The following SDCCAG8 variants were observed in gnomAD, a reference collection of about 807,000 sequenced individuals.
SDCCAG8 encodes the protein serologically defined colon cancer antigen 8.
Under a neutral mutation model 101.8 loss-of-function variants are expected in SDCCAG8, and 74 were observed. The observed-to-expected ratio is 0.73, with a 90% CI of 0.60 to 0.88. SDCCAG8 has a LOEUF of 0.88. Among genes scored for constraint, SDCCAG8 ranks in the 40% least tolerant of loss-of-function variants. The probability of loss-of-function intolerance (pLI) is 0.00; values close to 1 mark genes in which losing one functional copy is unlikely to be tolerated. For synonymous variants in SDCCAG8, 281 were observed against 292.9 expected (o/e 0.96, Z 0.41); for missense variants, 787 against 822.6 (o/e 0.96, Z 0.53).
rs1659799208 is a variant in SDCCAG8 at position 243,464,742 on chromosome 1, G to A, written c.1986-24272G>A. ...GGACAATAAACAAGAAGTCGATGGA[G>A]GGAAAAGGCAGGCAGGCAGGCAAGC... On this transcript the variant is annotated intron_variant, in intron 16 of 17. Coordinates refer to ENST00000366541, the MANE Select transcript of SDCCAG8 (RefSeq NM_006642.5). Among the ~76,000 whole-genome samples the A allele has an allele frequency of 3.9e-5, 6 of 152,352 alleles. No individual in the cohort carries two copies. The South Asian group carries it at 1.0e-3, about 26-fold the overall frequency.
intron 5 of SDCCAG8, among the ~76,000 whole-genome samples, chr1:243,288,635 G>C (rs972848196): frequency 2.0e-5 from 3 of 152,056 alleles, no homozygotes; most frequent in Non-Finnish European, 4.4e-5. Context: ...TAAAATGTTG[G>C]TGCTAAATCT....
intron 10 of SDCCAG8, among the ~76,000 whole-genome samples, chr1:243,335,846 A>AGT (rs2074968690): frequency 6.6e-6 from 1 of 151,884 alleles, no homozygotes. Flanking sequence ...TATATCCGTG[A>AGT]GTACCTAATA....
At chr1:243,430,593 C>T (rs1411060514) in intron 16 of SDCCAG8, among the ~76,000 whole-genome samples, 4 of 151,986 alleles carry the variant, frequency 2.6e-5, no homozygotes, top group Non-Finnish European at 5.9e-5. Flanking sequence ...CGCCCACCAC[C>T]ACGCCCGGCT....
intron 13 of SDCCAG8, among the ~76,000 whole-genome samples, chr1:243,390,657 A>G (rs2078646202): frequency 6.6e-6 from 1 of 152,228 alleles, no homozygotes; most frequent in Admixed American, 6.5e-5. Flanking sequence ...CCCCTGCCAC[A>G]TAGGCCCACA....
At chr1:243,351,886 T>A (rs1299202812) in intron 12 of SDCCAG8, among the ~76,000 whole-genome samples, 1 of 152,234 alleles carries the variant, frequency 6.6e-6, no homozygotes, top group South Asian at 2.1e-4. Context: ...AAAAATATAA[T>A]TCAATTTTTC....
chr1:243,426,091 C>T (rs1019610134), intron 15 of SDCCAG8, among the ~76,000 whole-genome samples: 3 of 152,130 alleles, frequency 2.0e-5, no homozygotes, highest in Non-Finnish European at 4.4e-5. Flanking sequence ...TCTTCTTTGA[C>T]AGCATAGTGT....
chr1:243,454,601 G>A (rs1171786433), intron 16 of SDCCAG8, among the ~76,000 whole-genome samples: 3 of 152,180 alleles, frequency 2.0e-5, no homozygotes, highest in African/African-American at 7.2e-5. Flanking sequence ...ATCTGCTCCA[G>A]CTAAGCATAT....
intron 15 of SDCCAG8, among the ~76,000 whole-genome samples, chr1:243,425,538 G>A (rs2081283025): frequency 6.6e-6 from 1 of 152,052 alleles, no homozygotes; most frequent in African/African-American, 2.4e-5. Context: ...TTTTATGTCA[G>A]GAGTCTTCAG....
rs762390688 is a variant in SDCCAG8 at position 243,393,902 on chromosome 1, C to CT, written c.1616+15045dup. On this transcript the variant is annotated intron_variant, in intron 13 of 17. Transcript: ENST00000366541. The stretch of plus-strand genomic sequence containing the variant: ...GTTTGATTCAGAGTCACTTGCCCTT[C>CT]TTTTTTCCCCCATGTAACTGTGGGT... Among the ~76,000 whole-genome samples, 325 of 152,206 alleles carry CT rather than the reference C, an allele frequency of 2.1e-3. 5 individuals carry two copies. The highest frequency in any genetic ancestry group is 0.01 in the Middle Eastern group (3 of 292).
At chr1:243,476,215 C>T (rs1443474445) in intron 16 of SDCCAG8, 6 of 985,460 alleles carry the variant, frequency 6.1e-6, no homozygotes, top group Non-Finnish European at 6.0e-6. Context: ...AGATGGGGTT[C>T]TTTGACAAGG....
intron 9 of SDCCAG8, among the ~76,000 whole-genome samples, chr1:243,327,520 T>G (rs951201869): frequency 1.3e-5 from 2 of 150,540 alleles, no homozygotes; most frequent in Admixed American, 1.3e-4. Context: ...GAAATTAAAA[T>G]TATAATTTAT....
chr1:243,410,068 C>A (rs1044738420), intron 13 of SDCCAG8, among the ~76,000 whole-genome samples: 3 of 152,130 alleles, frequency 2.0e-5, no homozygotes, highest in Non-Finnish European at 4.4e-5. Context: ...AGTAGAGAGG[C>A]CTGGGACAGC....
At chr1:243,484,860 A>G (rs1347209903) in intron 16 of SDCCAG8, among the ~76,000 whole-genome samples, 2 of 152,158 alleles carry the variant, frequency 1.3e-5, no homozygotes, top group Non-Finnish European at 2.9e-5. Flanking sequence ...CCTGGCCAAC[A>G]TCGTGAAACC....
chr1:243,344,315 T>A lies in SDCCAG8; in HGVS notation c.1457T>A (p.Leu486His), dbSNP rs2075569562. The change falls in exon 12 of 18, where the codon CTT (leucine) becomes CAT (histidine). Residue 486 changes from leucine (L) to histidine (H), a missense_variant. Physicochemically the swap from Leu to His is moderately conservative, Grantham distance 99. Transcript: ENST00000366541. ...TTCAGAGCAAAAACTAACAGGGATC[T>A]TGAAATTAAAGATCAGGTAAGAGAG... ...REFRAKTNRD[L>H]EIKDQEIEKL... 1 of 1,612,114 alleles carries A rather than the reference T, an allele frequency of 6.2e-7. No individual in the cohort carries two copies. Among genetic ancestry groups the A allele is most frequent in the Admixed American group, 1.7e-5 (1 of 60,006 alleles).
At chr1:243,332,629 A>AGACCCGGTCTGGAGGTGATTATCGCG in intron 10 of SDCCAG8, among the ~76,000 whole-genome samples, 1 of 150,772 alleles carries the variant, frequency 6.6e-6, no homozygotes, top group Non-Finnish European at 1.5e-5. Flanking sequence ...TGATTATCAC[A>AGACCCGGTCTGGAGGTGATTATCGCG]GACCCGGTCT....
chr1:243,328,525 C>A (rs2074374352), intron 9 of SDCCAG8, among the ~76,000 whole-genome samples: 1 of 151,990 alleles, frequency 6.6e-6, no homozygotes, highest in Admixed American at 6.5e-5. Context: ...AATCCACCCG[C>A]CTCAGCCTTC....
At chr1:243,471,327 G>A (rs1216464237) in intron 16 of SDCCAG8, among the ~76,000 whole-genome samples, 1 of 152,152 alleles carries the variant, frequency 6.6e-6, no homozygotes, top group Non-Finnish European at 1.5e-5. Flanking sequence ...GCCCTCGGGC[G>A]GGTACTGCTT....
chr1:243,485,404 G>A (rs941525335), intron 16 of SDCCAG8, among the ~76,000 whole-genome samples: 1 of 152,190 alleles, frequency 6.6e-6, no homozygotes, highest in African/African-American at 2.4e-5. Context: ...CATCAACAGT[G>A]CTATTTGAAA....
chr1:243,499,875 C>A lies in SDCCAG8; in HGVS notation c.*90C>A. On this transcript the variant is annotated 3_prime_UTR_variant, in exon 18 of 18. Transcript: ENST00000366541. ...TTAATATGCCACAACGCACCACGAC[C>A]TTCCCAGGGTGACACCGCCTCAGCC... 1 of 1,289,328 alleles carries A rather than the reference C, an allele frequency of 7.8e-7. No individual in the cohort carries two copies. The allele number at this position is 1,289,328 out of a possible 1,614,324, so 79.9% of individuals were successfully genotyped here.
Sources: gnomAD v4.1 joint callset for allele counts (sites outside exome capture counted in the v4.1 genomes callset) on GRCh38, gnomAD v4.1.1 for gene constraint, MANE v1.5 for transcripts, NCBI Gene and HGNC (gene_info 2026-07-23, HGNC 2026-07-21) for gene names.